Variants in STOX1 observed in about 807,000 individuals in gnomAD.
The protein encoded by STOX1 is storkhead-box protein 1.
STOX1 carries 57 observed loss-of-function variants against 74.8 expected under a neutral mutation model. The observed-to-expected ratio is 0.76, with a 90% CI of 0.62 to 0.95. The LOEUF (loss-of-function observed/expected upper bound fraction) is 0.95, where lower values mean the gene tolerates loss of function less well. Among genes scored for constraint, STOX1 ranks in the 40% least tolerant of loss-of-function variants. The pLI, the probability that STOX1 is intolerant of heterozygous loss-of-function variation, is 0.00. For synonymous variants in STOX1, 375 were observed against 401.3 expected (o/e 0.93, Z 0.78); for missense variants, 1,010 against 1,117.0 (o/e 0.90, Z 1.37).
intron 1 of STOX1, among the ~76,000 whole-genome samples, chr10:68,868,864 A>G (rs947645346): frequency 1.5e-4 from 23 of 152,330 alleles, no homozygotes; most frequent in African/African-American, 5.1e-4. Flanking sequence ...TGTCAAATCT[A>G]TTCCAGGCAT....
In STOX1 at chr10:68,885,692, G is replaced by A. The variant is rs1840930819; in HGVS notation, c.1896G>A (p.Gly632=). 1.9e-6 allele frequency: 3 copies of A among 1,613,970 alleles called. No homozygotes were observed. In the South Asian group the frequency reaches 3.3e-5, roughly 18 times the overall value. ...GTCATTCCCACTTTGACAAATTAGG[G>A]GAGACCAAACAGACTCCGCATAGTC... ...RKSHSHFDKL[G]ETKQTPHSLP... Residue 632 remains glycine (G), a synonymous_variant, in exon 3 of 4, where the codon GGG becomes GGA. Transcript: ENST00000298596.
chr10:68,840,514 C>T (rs559762589), intron 1 of STOX1, among the ~76,000 whole-genome samples: 29 of 151,948 alleles, frequency 1.9e-4, no homozygotes, highest in African/African-American at 6.3e-4. Flanking sequence ...CCACTGCTCC[C>T]GGCCCAAGCA....
intron 1 of STOX1, among the ~76,000 whole-genome samples, chr10:68,836,432 G>GTC (rs1241033233): frequency 6.6e-6 from 1 of 152,200 alleles, no homozygotes; most frequent in Non-Finnish European, 1.5e-5. Context: ...AGACAAACCT[G>GTC]TCTCTGTTAA....
chr10:68,843,592 G>T (rs1281601432), intron 1 of STOX1, among the ~76,000 whole-genome samples: 1 of 152,006 alleles, frequency 6.6e-6, no homozygotes, highest in African/African-American at 2.4e-5. Flanking sequence ...CCTGGCTGGA[G>T]TGCAATGGAG....
chr10:68,856,410 C>T (rs1336865780), intron 1 of STOX1, among the ~76,000 whole-genome samples: 1 of 152,008 alleles, frequency 6.6e-6, no homozygotes, highest in Admixed American at 6.5e-5. Flanking sequence ...CCGTTTGGAC[C>T]CTAGGAGAGA....
In STOX1 at chr10:68,885,625, A is replaced by G. The variant is rs1487640757; in HGVS notation, c.1829A>G (p.Tyr610Cys). The G allele has an allele frequency of 6.2e-7, 1 of 1,614,220 alleles. No homozygotes were observed. Among genetic ancestry groups the G allele is most frequent in the Non-Finnish European group, 8.5e-7 (1 of 1,180,042 alleles). The change falls in exon 3 of 4, where the codon TAT becomes TGT. Residue 610 changes from tyrosine to cysteine, a missense_variant. By Grantham distance (194) the Tyr-to-Cys change is radical. Coordinates refer to ENST00000298596, the MANE Select transcript of STOX1 (RefSeq NM_152709.5). ...GAAAGCATGTTGAGATATGAAGTGTATGGTGGAGAAAATGAGGTAATTCCT... is the reference window on the plus strand; with the variant it reads ...GAAAGCATGTTGAGATATGAAGTGTGTGGTGGAGAAAATGAGGTAATTCCT... ...FMESMLRYEV[Y>C]GGENEVIPEV...
In STOX1 at chr10:68,836,253, C is replaced by T. The variant is rs180899602; in HGVS notation, c.310+8320C>T. 3.9e-5 allele frequency among the ~76,000 whole-genome samples: 6 copies of T among 152,324 alleles called. No individual in the cohort carries two copies. The East Asian group carries it at 1.2e-3, about 29-fold the overall frequency. Reference sequence around the variant, plus strand: ...TAACCTCTCTCAGCTCCATTGTCTACATGGGTACAAATGAGGACACAGTAG... The same window carrying T: ...TAACCTCTCTCAGCTCCATTGTCTATATGGGTACAAATGAGGACACAGTAG... On this transcript the variant is annotated intron_variant, in intron 1 of 3. Transcript: ENST00000298596.
intron 2 of STOX1, among the ~76,000 whole-genome samples, chr10:68,882,485 T>C (rs1840833706): frequency 6.6e-6 from 1 of 151,730 alleles, no homozygotes; most frequent in African/African-American, 2.4e-5. Flanking sequence ...AAATTTTTCA[T>C]AACATAAATT....
intron 1 of STOX1, among the ~76,000 whole-genome samples, chr10:68,855,376 C>T (rs112291772): frequency 6.6e-6 from 1 of 151,828 alleles, no homozygotes; most frequent in South Asian, 2.1e-4. Flanking sequence ...CCGCCTTGGC[C>T]TCCCAAAGTG....
intron 1 of STOX1, among the ~76,000 whole-genome samples, chr10:68,829,293 G>T (rs1264241973): frequency 6.6e-6 from 1 of 152,204 alleles, no homozygotes; most frequent in Non-Finnish European, 1.5e-5. Flanking sequence ...TGGCTAACAT[G>T]CTGAAACCCC....
In STOX1 at chr10:68,882,030, G is replaced by T. The variant is rs778850407; in HGVS notation, c.383G>T (p.Cys128Phe). ...GTACCTTTGGGTGAAGTTCTTTGCTGTGCTATATCTGATATGAATACAGCT... is the reference window on the plus strand; with the variant it reads ...GTACCTTTGGGTGAAGTTCTTTGCTTTGCTATATCTGATATGAATACAGCT... Reference protein sequence around the residue: ...QFVPLGEVLCCAISDMNTAQI... With the variant: ...QFVPLGEVLCFAISDMNTAQI... Residue 128 changes from cysteine (C) to phenylalanine (F), a missense_variant, in exon 2 of 4, where the codon TGT becomes TTT. Coordinates refer to ENST00000298596, the MANE Select transcript of STOX1 (RefSeq NM_152709.5). The T allele has an allele frequency of 8.7e-6, 14 of 1,613,768 alleles. No homozygotes were observed. The Admixed American group carries it at 2.3e-4, about 27-fold the overall frequency.
At chr10:68,879,023 A>G (rs149935837) in intron 1 of STOX1, among the ~76,000 whole-genome samples, 2 of 152,326 alleles carry the variant, frequency 1.3e-5, no homozygotes, top group African/African-American at 2.4e-5. Context: ...TTAGAAGTGC[A>G]GGATCAGGGG....
At chr10:68,846,119 T>TTATTA (rs1839843011) in intron 1 of STOX1, among the ~76,000 whole-genome samples, 10 of 135,848 alleles carry the variant, frequency 7.4e-5, no homozygotes, top group Non-Finnish European at 9.5e-5. Flanking sequence ...GCTTGAGGTT[T>TTATTA]TTATTATTAT....
In STOX1 at chr10:68,827,697, CG is replaced by C; in HGVS notation, c.79del (p.Ala27ProfsTer85). 1 of 939,674 alleles carries C rather than the reference CG, an allele frequency of 1.1e-6. No individual in the cohort carries two copies. The highest frequency in any genetic ancestry group is 1.3e-6 in the Non-Finnish European group (1 of 755,598). The allele number at this position is 939,674 out of a possible 1,614,324, so 58.2% of individuals were successfully genotyped here. A position where few individuals can be genotyped will look rare whatever the true frequency, so the allele number is the denominator to read the frequency against. ...TGCCGGCTGGAGGCGCAGAAGGCGG[CG>C]GGGGCCGCGGAGGAGCCTGGTGGGC... is the stretch of plus-strand genomic sequence containing the variant. ...VLCRLEAQKAAGAAEEPGGRA... is the reference protein window; with the variant it reads ...VLCRLEAQKAXGAAEEPGGRA... On this transcript the variant is annotated frameshift_variant, in exon 1 of 4. Transcript: ENST00000298596. LOFTEE classifies it high-confidence loss of function.
rs1840952127 is a variant in STOX1, at chr10:68,886,260, T to C, written c.2464T>C (p.Cys822Arg). Residue 822 changes from cysteine to arginine, a missense_variant, in exon 3 of 4, where the codon TGT becomes CGT. Cys to Arg is a radical substitution (Grantham distance 180). Transcript: ENST00000298596. ...SQEPNLSAESCGLNSGAQFGF... is the reference protein window; with the variant it reads ...SQEPNLSAESRGLNSGAQFGF... ...AGAACCTAACCTCTCTGCTGAAAGT[T>C]GTGGCCTAAATTCAGGGGCCCAGTT... 1 of 1,614,238 alleles carries C rather than the reference T, an allele frequency of 6.2e-7. No homozygotes were observed. The highest frequency in any genetic ancestry group is 1.7e-5 in the Admixed American group (1 of 60,026).
chr10:68,853,780 G>A (rs1840050996), intron 1 of STOX1, among the ~76,000 whole-genome samples: 3 of 151,570 alleles, frequency 2.0e-5, no homozygotes, highest in African/African-American at 7.3e-5. Context: ...CCGCCTCCTG[G>A]GTTCAAGTGA....
Position 68,827,541 on chromosome 10 carries a change from G to T in STOX1, c.-83G>T. The T allele has an allele frequency of 1.1e-6, 1 of 952,094 alleles. No individual in the cohort carries two copies. Among genetic ancestry groups the T allele is most frequent in the Non-Finnish European group, 1.3e-6 (1 of 775,464 alleles). 59.0% of individuals were successfully genotyped at this position (952,094 alleles called of 1,614,324 possible). The stretch of plus-strand genomic sequence containing the variant: ...GCCGCGGACCCGCGCGCAGTCGGCC[G>T]ATCCTCCCGCCGAGCGAGCGGCGTC... On this transcript the variant is annotated 5_prime_UTR_variant, in exon 1 of 4. Transcript: ENST00000298596.
chr10:68,878,165 T>G (rs999600550), intron 1 of STOX1, among the ~76,000 whole-genome samples: 2 of 152,194 alleles, frequency 1.3e-5, no homozygotes, highest in African/African-American at 2.4e-5. Context: ...GGAAGAGAGA[T>G]ATAAAAGCTT....
At chr10:68,891,483 T>A (rs1456251974) in intron 3 of STOX1, among the ~76,000 whole-genome samples, 1 of 151,816 alleles carries the variant, frequency 6.6e-6, no homozygotes, top group Non-Finnish European at 1.5e-5. Flanking sequence ...TGATGGAGAG[T>A]AGCAAAGTGG....
Sources: allele counts gnomAD v4.1 joint callset (sites outside exome capture counted in the v4.1 genomes callset), GRCh38; gene constraint gnomAD v4.1.1; transcripts MANE v1.5; gene names NCBI Gene and HGNC (gene_info 2026-07-23, HGNC 2026-07-21).